Variants in SLC26A9 observed in about 807,000 individuals in gnomAD.
SLC26A9 encodes anion transporter/exchanger protein 9.
A neutral mutation model predicts 87.1 loss-of-function variants in SLC26A9; 46 were observed. That is an observed-to-expected ratio of 0.53 (90% CI 0.42 to 0.67). The LOEUF is 0.67. Ranked by LOEUF, SLC26A9 falls within the 30% of genes least tolerant of loss-of-function variation. The pLI is 0.00. For missense variants in SLC26A9, 927 were observed against 1,018.3 expected, an observed-to-expected ratio of 0.91 and a Z score of 1.22; for synonymous variants, 437 against 409.1, an observed-to-expected ratio of 1.07 and a Z score of -0.82.
intron 1 of SLC26A9, among the ~76,000 whole-genome samples, chr1:205,937,837 A>T (rs1340785935): frequency 6.6e-6 from 1 of 152,088 alleles, no homozygotes; most frequent in South Asian, 2.1e-4. Flanking sequence ...CTTGCTTCAG[A>T]AAAAGACTCA....
intron 20 of SLC26A9, among the ~76,000 whole-genome samples, chr1:205,915,705 C>A (rs993641756): frequency 3.9e-5 from 6 of 152,132 alleles, no homozygotes; most frequent in African/African-American, 1.2e-4. Context: ...TCACTTTCCT[C>A]ATTGGGTAAA....
chr1:205,931,902 C>T lies in SLC26A9; in HGVS notation c.510G>A (p.Leu170=). The T allele has an allele frequency of 6.2e-7, 1 of 1,614,150 alleles. No individual in the cohort carries two copies. The highest frequency in any genetic ancestry group is 2.2e-5 in the East Asian group (1 of 44,880). Residue 170 remains leucine (L), a synonymous_variant, in exon 5 of 21, where the codon CTG becomes CTA. Coordinates refer to ENST00000367135, the MANE Select transcript of SLC26A9 (RefSeq NM_052934.4). ...VDTAAMEAER[L]HVSATLACLT... The stretch of plus-strand genomic sequence containing the variant: ...GGCAGGCTAGCGTAGCTGACACGTG[C>T]AGCCTCTCAGCCTCCATGGCTGCTG...
chr1:205,924,041 G>A lies in SLC26A9; in HGVS notation c.1496+342C>T, dbSNP rs148369348. On this transcript the variant is annotated intron_variant, in intron 13 of 20. Coordinates refer to ENST00000367135, the MANE Select transcript of SLC26A9 (RefSeq NM_052934.4). ...TTCCACCCTGGCGCTCTCCTGGGGTGGGGTCCCATTTGGTTTGGGGTTCTG... is the reference window on the plus strand; with the variant it reads ...TTCCACCCTGGCGCTCTCCTGGGGTAGGGTCCCATTTGGTTTGGGGTTCTG... 1.5e-3 allele frequency among the ~76,000 whole-genome samples: 225 copies of A among 152,312 alleles called. 2 individuals carry two copies. The South Asian group carries it at 0.015, about 10-fold the overall frequency.
rs761801692 is a variant in SLC26A9 at position 205,932,984 on chromosome 1, G to A, written c.226C>T (p.Leu76Phe). ...KIKDYIIPDL[L>F]GGLSGGSIQV... The stretch of plus-strand genomic sequence containing the variant: ...ATGGATCCCCCGCTGAGTCCACCGA[G>A]CAGGTCAGGAATGATGTAGTCTTTA... Residue 76 changes from leucine to phenylalanine, a missense_variant, in exon 3 of 21, where the codon CTC becomes TTC. Coordinates refer to ENST00000367135, the MANE Select transcript of SLC26A9 (RefSeq NM_052934.4). 1.1e-5 allele frequency: 17 copies of A among 1,614,170 alleles called. No individual in the cohort carries two copies. The highest frequency in any genetic ancestry group is 1.4e-5 in the Non-Finnish European group (17 of 1,180,038).
At position 205,929,914 on chromosome 1, in the gene SLC26A9, G is replaced by T. The variant is rs1164968860; in HGVS notation, c.695C>A (p.Thr232Lys). 2 of 1,610,034 alleles carry T rather than the reference G, an allele frequency of 1.2e-6. No homozygotes were observed. The highest frequency in any genetic ancestry group is 2.7e-5 in the African/African-American group (2 of 74,880). Residue 232 changes from threonine (T) to lysine (K), a missense_variant, in exon 6 of 21, where the codon ACA (threonine) becomes AAA (lysine). By Grantham distance (78) the Thr-to-Lys change is moderately conservative. Coordinates refer to ENST00000367135, the MANE Select transcript of SLC26A9 (RefSeq NM_052934.4). Reference sequence around the variant, plus strand: ...CACAAAGACGATGGACCCTGGGCCTGTGTAGGAGGGGATGGTCAGTCCGAA... The same window carrying T: ...CACAAAGACGATGGACCCTGGGCCTTTGTAGGAGGGGATGGTCAGTCCGAA... Reference protein sequence around the residue: ...YIFGLTIPSYTGPGSIVFTFI... With the variant: ...YIFGLTIPSYKGPGSIVFTFI...
At chr1:205,933,970 C>T (rs1263480741) in intron 2 of SLC26A9, among the ~76,000 whole-genome samples, 1 of 152,146 alleles carries the variant, frequency 6.6e-6, no homozygotes, top group Non-Finnish European at 1.5e-5. Context: ...GGGTGAGGGG[C>T]ATTTGCTTTC....
Position 205,921,586 on chromosome 1 carries a change from C to A in SLC26A9, c.2035G>T (p.Gly679Cys). 1 of 1,610,080 alleles carries A rather than the reference C, an allele frequency of 6.2e-7. No homozygotes were observed. ...MSGVSFVDLM[G>C]IKALAKLSST... The stretch of plus-strand genomic sequence containing the variant: ...CTCACCTTGGCCAGGGCCTTGATGC[C>A]CATCAAGTCCACGAAGCTGACTCCA... The change falls in exon 17 of 21, where the codon GGC becomes TGC. Residue 679 changes from glycine to cysteine, a missense_variant. Gly to Cys is a radical substitution (Grantham distance 159, BLOSUM62 -3). Coordinates refer to ENST00000367135, the MANE Select transcript of SLC26A9 (RefSeq NM_052934.4).
Position 205,921,573 on chromosome 1 carries a change from A to G in SLC26A9, c.2048T>C (p.Leu683Pro), listed in dbSNP as rs1187413790. ...TGTTCCCGAGGGCCTCACCTTGGCC[A>G]GGGCCTTGATGCCCATCAAGTCCAC... is the stretch of plus-strand genomic sequence containing the variant. ...SFVDLMGIKA[L>P]AKLSSTYGKI... Residue 683 changes from leucine (L) to proline (P), a missense_variant, in exon 17 of 21, where the codon CTG (leucine) becomes CCG (proline). Physicochemically the swap from Leu to Pro is moderately conservative, Grantham distance 98. Coordinates refer to ENST00000367135, the MANE Select transcript of SLC26A9 (RefSeq NM_052934.4). 1 of 1,608,174 alleles carries G rather than the reference A, an allele frequency of 6.2e-7. No individual in the cohort carries two copies. The highest frequency in any genetic ancestry group is 8.5e-7 in the Non-Finnish European group (1 of 1,179,158).
In SLC26A9 at chr1:205,931,968, G is replaced by A; in HGVS notation, c.444C>T (p.Phe148=). The change falls in exon 5 of 21, where the codon TTC becomes TTT. Residue 148 remains phenylalanine, a synonymous_variant. Coordinates refer to ENST00000367135, the MANE Select transcript of SLC26A9 (RefSeq NM_052934.4). ...CATTGGTGGCATTGTTGAAGACCTG[G>A]AATTTCGACTCTGGGGCCAGCTGCA... ...ICLQLAPESK[F]QVFNNATNES... 1 of 1,614,222 alleles carries A rather than the reference G, an allele frequency of 6.2e-7. No individual in the cohort carries two copies.
chr1:205,939,263 G>C (rs187155941), intron 1 of SLC26A9, among the ~76,000 whole-genome samples: 4 of 152,148 alleles, frequency 2.6e-5, no homozygotes, highest in Admixed American at 2.6e-4. Context: ...GTTCCTATTC[G>C]AAGGGGCTTC....
chr1:205,940,449 G>A (rs1284506396), intron 1 of SLC26A9, among the ~76,000 whole-genome samples: 1 of 152,048 alleles, frequency 6.6e-6, no homozygotes, highest in Non-Finnish European at 1.5e-5. Flanking sequence ...GACAGTGCCC[G>A]AGTGGATGCA....
chr1:205,923,677 C>A lies in SLC26A9; in HGVS notation c.1497-64G>T, dbSNP rs143102364. On this transcript the variant is annotated intron_variant, in intron 13 of 20. Transcript: ENST00000367135. ...AATGGCACATGGGCCTGGAAGGGTG[C>A]CCCTGCTGGGGCGGGGGCAGAGCCA... 3,508 of 1,599,106 alleles carry A rather than the reference C, an allele frequency of 2.2e-3. 35 individuals are homozygous for A. The highest frequency in any genetic ancestry group is 0.017 in the Middle Eastern group (98 of 5,650).
Position 205,921,845 on chromosome 1 carries a change from A to G in SLC26A9, c.1776T>C (p.Thr592=), listed in dbSNP as rs1658850470. Residue 592 remains threonine (T), a splice_region_variant and synonymous_variant, in exon 17 of 21, where the codon ACT becomes ACC. Coordinates refer to ENST00000367135, the MANE Select transcript of SLC26A9 (RefSeq NM_052934.4). ...CCTGCTGCAGCTCCTGCAGGGAGAC[A>G]GTCTGGAAGGGTGGGGACAGTGGGC... ...QRRSLFMKTK[T]VSLQELQQDF... 4 of 1,604,588 alleles carry G rather than the reference A, an allele frequency of 2.5e-6. No individual in the cohort carries two copies. The highest frequency in any genetic ancestry group is 3.4e-6 in the Non-Finnish European group (4 of 1,176,974).
intron 13 of SLC26A9, 42 bp downstream of exon 13, chr1:205,924,341 G>T: frequency 6.3e-7 from 1 of 1,588,036 alleles, no homozygotes; most frequent in South Asian, 1.1e-5. Context: ...GCTGGCCCAG[G>T]GAACCGACTG....
rs1274873768 is a variant in SLC26A9, at chr1:205,933,109, C to T, written c.126-25G>A. ...TCTGGAAGGGAACGGGGAAAATTTC[C>T]AGTCGGCTCTGCATGGCTTGGACAT... On this transcript the variant is annotated intron_variant, in intron 2 of 20. Transcript: ENST00000367135. 4 of 1,614,094 alleles carry T rather than the reference C, an allele frequency of 2.5e-6. No homozygotes were observed. The Admixed American group carries it at 5.0e-5, about 20-fold the overall frequency.
In SLC26A9 at chr1:205,930,012, G is replaced by A. The variant is rs202050645; in HGVS notation, c.597C>T (p.Leu199=). 3.0e-5 allele frequency: 48 copies of A among 1,613,660 alleles called. No individual in the cohort carries two copies. The Middle Eastern group carries it at 6.6e-4, about 22-fold the overall frequency. The change falls in exon 6 of 21, where the codon CTC becomes CTT. Residue 199 remains leucine, a synonymous_variant. Coordinates refer to ENST00000367135, the MANE Select transcript of SLC26A9 (RefSeq NM_052934.4). ...TGAAGCCCCGGATGAAGGACTCGGA[G>A]AGGTAGATGGCCACAAAGCCAAACT... The part of the protein sequence containing the change: ...FMQFGFVAIY[L]SESFIRGFMT...
At chr1:205,916,754 G>A (rs1223912054) in intron 20 of SLC26A9, among the ~76,000 whole-genome samples, 1 of 152,162 alleles carries the variant, frequency 6.6e-6, no homozygotes, top group African/African-American at 2.4e-5. Flanking sequence ...GGTTCTCTAG[G>A]ACTTGGTCCA....
At chr1:205,927,862 A>T (rs769114160) in intron 9 of SLC26A9, 40 bp downstream of exon 9, 1 of 1,600,994 alleles carries the variant, frequency 6.2e-7, no homozygotes, top group Non-Finnish European at 8.5e-7. Context: ...GCCTGAGTTG[A>T]CCTGTCCTGC....
chr1:205,942,076 C>A (rs1659766805), intron 1 of SLC26A9, among the ~76,000 whole-genome samples: 1 of 152,220 alleles, frequency 6.6e-6, no homozygotes, highest in Non-Finnish European at 1.5e-5. Context: ...CCAGCAAGTT[C>A]ACGGGGGTCA....
Sources: allele counts gnomAD v4.1 joint callset (sites outside exome capture counted in the v4.1 genomes callset), GRCh38; gene constraint gnomAD v4.1.1; transcripts MANE v1.5; gene names NCBI Gene and HGNC (gene_info 2026-07-23, HGNC 2026-07-21).